DYM: variants seen among roughly 807,000 people sequenced by gnomAD.
DYM encodes dymeclin.
In DYM, 78 loss-of-function variants were observed where a neutral mutation model predicts 93.1. The observed-to-expected ratio is 0.84, with a 90% CI of 0.70 to 1.01. The LOEUF (loss-of-function observed/expected upper bound fraction) is 1.01. Ranked by LOEUF, DYM falls within the 50% of genes least tolerant of loss-of-function variation. The pLI, the probability that DYM is intolerant of heterozygous loss-of-function variation, is 0.00. For synonymous variants in DYM, 321 were observed against 319.7 expected (o/e 1.00, Z -0.04); for missense variants, 789 against 845.0 (o/e 0.93, Z 0.82).
intron 11 of DYM, among the ~76,000 whole-genome samples, chr18:49,265,567 T>C (rs1254542368): frequency 2.6e-5 from 4 of 151,726 alleles, no homozygotes; most frequent in Non-Finnish European, 5.9e-5. Context: ...TCACCTGAGG[T>C]CGCGAGTTCG....
At chr18:49,450,932 C>A (rs924260686) in intron 1 of DYM, among the ~76,000 whole-genome samples, 3 of 151,194 alleles carry the variant, frequency 2.0e-5, no homozygotes, top group African/African-American at 7.3e-5. Flanking sequence ...TCCTCAAATG[C>A]AGGTTTTTAA....
At chr18:49,097,545 A>G (rs972757417) in intron 16 of DYM, 30 bp from the exon 17 acceptor site, 76 of 1,584,148 alleles carry the variant, frequency 4.8e-5, no homozygotes, top group Non-Finnish European at 6.2e-5. Flanking sequence ...TTTTTAAACA[A>G]GAAGAGGTAT....
Position 49,282,156 on chromosome 18 carries a change from T to A in DYM, c.966A>T (p.Ser322=), listed in dbSNP as rs573357915. Residue 322 remains serine, a synonymous_variant, in exon 10 of 18, where the codon TCA becomes TCT. Coordinates refer to ENST00000675505, the MANE Select transcript of DYM (RefSeq NM_001353214.3). ...KNTQDSSPFP[S]SIPHAFQINF... is the part of the protein sequence containing the mutation. ...TGATCTGGAAGGCATGTGGAATTGA[T>A]GAGGGGAAAGGACTGCTATCTGGAA... The A allele has an allele frequency of 1.2e-6, 2 of 1,613,778 alleles. No individual in the cohort carries two copies. The highest frequency in any genetic ancestry group is 1.7e-5 in the Admixed American group (1 of 59,982).
At chr18:49,292,075 G>A (rs1343078207) in intron 8 of DYM, among the ~76,000 whole-genome samples, 3 of 152,030 alleles carry the variant, frequency 2.0e-5, no homozygotes, top group Non-Finnish European at 4.4e-5. Flanking sequence ...TCAAATAGAA[G>A]TGTTTTTTGG....
intron 6 of DYM, among the ~76,000 whole-genome samples, chr18:49,335,728 T>C (rs2063608237): frequency 6.6e-6 from 1 of 152,142 alleles, no homozygotes; most frequent in Non-Finnish European, 1.5e-5. Context: ...AATCCTGACA[T>C]AACAAATACT....
intron 8 of DYM, among the ~76,000 whole-genome samples, chr18:49,311,092 G>A (rs1306766993): frequency 1.3e-5 from 2 of 152,166 alleles, no homozygotes; most frequent in Non-Finnish European, 2.9e-5. Context: ...ATGCTCAAAA[G>A]TCACATGTGG....
At chr18:49,091,941 G>C (rs2145427386) in intron 17 of DYM, among the ~76,000 whole-genome samples, 1 of 151,928 alleles carries the variant, frequency 6.6e-6, no homozygotes, top group Admixed American at 6.6e-5. Flanking sequence ...AACTCTCTGA[G>C]TTACTAAATA....
At chr18:49,154,636 C>A (rs1258167826) in intron 15 of DYM, among the ~76,000 whole-genome samples, 1 of 152,090 alleles carries the variant, frequency 6.6e-6, no homozygotes, top group East Asian at 1.9e-4. Flanking sequence ...TTCAGGTGAT[C>A]CACCTGCCTC....
intron 13 of DYM, among the ~76,000 whole-genome samples, chr18:49,256,706 T>G (rs544971783): frequency 6.6e-6 from 1 of 152,192 alleles, no homozygotes; most frequent in African/African-American, 2.4e-5. Context: ...AAAATGCGCA[T>G]CAAATACATT....
chr18:49,087,398 T>A (rs967742748), intron 17 of DYM, among the ~76,000 whole-genome samples: 1 of 152,358 alleles, frequency 6.6e-6, no homozygotes, highest in Non-Finnish European at 1.5e-5. Context: ...TTAATTTGCT[T>A]ATCCATTGCA....
intron 2 of DYM, among the ~76,000 whole-genome samples, chr18:49,399,127 T>C (rs2070467916): frequency 6.6e-6 from 1 of 152,038 alleles, no homozygotes; most frequent in Non-Finnish European, 1.5e-5. Context: ...CCAGGCTACA[T>C]GGAGGAATGA....
At chr18:49,304,312 C>T (rs2061142549) in intron 8 of DYM, among the ~76,000 whole-genome samples, 1 of 152,172 alleles carries the variant, frequency 6.6e-6, no homozygotes, top group Non-Finnish European at 1.5e-5. Flanking sequence ...AGGCCAACAG[C>T]CTTAACCCAA....
At chr18:49,069,662 T>C (rs1041592591) in intron 17 of DYM, among the ~76,000 whole-genome samples, 41 of 152,216 alleles carry the variant, frequency 2.7e-4, no homozygotes, top group African/African-American at 9.2e-4. Flanking sequence ...TTTTCATAAC[T>C]GTTAGTGTAC....
chr18:49,331,731 G>T, intron 8 of DYM, 133 bp downstream of exon 8: 1 of 968,538 alleles, frequency 1.0e-6, no homozygotes, highest in Non-Finnish European at 1.6e-6. Context: ...TAATTACTTT[G>T]TTTTCACATT....
rs2094456327 is a variant in DYM, at chr18:49,259,449, A to ATCTG, written c.1252-957_1252-956insCAGA. 2.6e-5 allele frequency among the ~76,000 whole-genome samples: 4 copies of ATCTG among 152,332 alleles called. 1 individual carries two copies. Among genetic ancestry groups the ATCTG allele is most frequent in the Admixed American group, 6.5e-5 (1 of 15,302 alleles). ...AAATTCGGGGAATCCTACTAAACAG[A>ATCTG]TAACCCAGTTTCTTCAACAAATAAG... On this transcript the variant is annotated intron_variant, in intron 11 of 17. Coordinates refer to ENST00000675505, the MANE Select transcript of DYM (RefSeq NM_001353214.3).
At chr18:49,258,902 G>A (rs2094445530) in intron 11 of DYM, among the ~76,000 whole-genome samples, 1 of 144,300 alleles carries the variant, frequency 6.9e-6, no homozygotes, top group South Asian at 2.2e-4. Context: ...AGGCAGGCCG[G>A]CAGACAGGTG....
intron 10 of DYM, among the ~76,000 whole-genome samples, chr18:49,274,104 C>A (rs1342677944): frequency 2.0e-5 from 3 of 152,066 alleles, no homozygotes; most frequent in Non-Finnish European, 2.9e-5. Flanking sequence ...CCACAGGCAA[C>A]TTGAAAAATT....
At chr18:49,201,974 G>A (rs1290220191) in intron 14 of DYM, among the ~76,000 whole-genome samples, 1 of 152,208 alleles carries the variant, frequency 6.6e-6, no homozygotes, top group Non-Finnish European at 1.5e-5. Context: ...ATAAGCATTT[G>A]TTAATTAGTC....
chr18:49,423,044 C>G (rs1208859971), intron 2 of DYM, among the ~76,000 whole-genome samples: 4 of 152,154 alleles, frequency 2.6e-5, no homozygotes, highest in Non-Finnish European at 5.9e-5. Context: ...CCAAGTGGAC[C>G]TAATAGACAT....
Sources: allele counts gnomAD v4.1 joint callset (sites outside exome capture counted in the v4.1 genomes callset), GRCh38; gene constraint gnomAD v4.1.1; transcripts MANE v1.5; gene names NCBI Gene and HGNC (gene_info 2026-07-23, HGNC 2026-07-21).